The following GARNL3 variants were observed in gnomAD, a reference collection of about 807,000 sequenced individuals.
GARNL3 encodes the protein GTPase-activating Rap/Ran-GAP domain-like protein 3.
GARNL3 carries 63 observed loss-of-function variants against 125.0 expected under a neutral mutation model. The observed-to-expected ratio is 0.50, with a 90% CI of 0.41 to 0.62. GARNL3 has a LOEUF of 0.62. GARNL3 is among the 20% of genes least tolerant of loss of function. GARNL3 has a pLI of 0.00. For missense variants in GARNL3, 994 were observed against 1,244.0 expected (o/e 0.80, Z 3.02); for synonymous variants, 439 against 457.5 (o/e 0.96, Z 0.52).
chr9:127,372,061 T>G (rs1471571227), intron 22 of GARNL3, among the ~76,000 whole-genome samples: 1 of 152,182 alleles, frequency 6.6e-6, no homozygotes, highest in African/African-American at 2.4e-5. Context: ...GCCTCCCGAG[T>G]AGCTGGGATG....
In GARNL3 at chr9:127,241,936, T is replaced by TTTGTTGTTG. The variant is rs148526680; in HGVS notation, c.-28-1116_-28-1108dup. 5.7e-3 allele frequency among the ~76,000 whole-genome samples: 850 copies of TTTGTTGTTG among 150,364 alleles called. 5 individuals carry two copies. Among genetic ancestry groups the TTTGTTGTTG allele is most frequent in the Non-Finnish European group, 9.1e-3 (615 of 67,680 alleles). On this transcript the variant is annotated intron_variant, in intron 1 of 10. Coordinates refer to the GARNL3 transcript ENST00000439286. Reference sequence around the variant, plus strand: ...GCGTGAGCCACTATGCCCGGCCTGGTTTGTTGTTGTTGTTGTTGTTGTTGT... The same window carrying TTTGTTGTTG: ...GCGTGAGCCACTATGCCCGGCCTGGTTTGTTGTTGTTGTTGTTGTTGTTGTTGTTGTTGT...
chr9:127,277,299 G>T (rs544761608), intron 1 of GARNL3, among the ~76,000 whole-genome samples: 1 of 151,868 alleles, frequency 6.6e-6, no homozygotes, highest in East Asian at 1.9e-4. Flanking sequence ...TCCTTCTTTT[G>T]TGTGACATTG....
At chr9:127,272,308 G>A (rs1344560389) in intron 1 of GARNL3, among the ~76,000 whole-genome samples, 1 of 149,668 alleles carries the variant, frequency 6.7e-6, no homozygotes, top group East Asian at 1.9e-4. Context: ...GGCACTTTAT[G>A]GGAGAAATTA....
intron 7 of GARNL3, among the ~76,000 whole-genome samples, chr9:127,328,475 C>T (rs1167626104): frequency 6.6e-6 from 1 of 152,140 alleles, no homozygotes; most frequent in African/African-American, 2.4e-5. Context: ...AAGGTTAGCA[C>T]TTTGGTAAAA....
intron 1 of GARNL3, among the ~76,000 whole-genome samples, chr9:127,278,108 C>T (rs2064004493): frequency 6.6e-6 from 1 of 151,974 alleles, no homozygotes; most frequent in African/African-American, 2.4e-5. Flanking sequence ...TGCTGATATA[C>T]TTTTTAATAT....
intron 22 of GARNL3, among the ~76,000 whole-genome samples, chr9:127,378,243 C>CA (rs386361566): frequency 0.024 from 2,076 of 88,138 alleles, 25 homozygotes; most frequent in African/African-American, 0.027. Flanking sequence ...GACTCTGTCT[C>CA]AAAAAAAAAA....
At chr9:127,295,528 C>T (rs961705707) in intron 2 of GARNL3, among the ~76,000 whole-genome samples, 2 of 152,108 alleles carry the variant, frequency 1.3e-5, no homozygotes, top group African/African-American at 2.4e-5. Context: ...CTGGAGTTAG[C>T]GTCAGACTCC....
chr9:127,315,911 T>TA (rs1350363682), intron 4 of GARNL3, among the ~76,000 whole-genome samples: 1 of 152,196 alleles, frequency 6.6e-6, no homozygotes. Context: ...ACACACCTGT[T>TA]ACACAGGGTA....
intron 19 of GARNL3, 91 bp from the exon 20 acceptor site, chr9:127,355,206 C>G: frequency 1.0e-6 from 1 of 987,546 alleles, no homozygotes; most frequent in Non-Finnish European, 1.6e-6. Flanking sequence ...TGCTTAATTT[C>G]CAGGGTTCCT....
intron 2 of GARNL3, among the ~76,000 whole-genome samples, chr9:127,253,507 A>C (rs2131216773): frequency 6.6e-6 from 1 of 152,250 alleles, no homozygotes; most frequent in East Asian, 1.9e-4. Context: ...GTGAAGCTTA[A>C]ATTGTAGGTG....
chr9:127,248,195 C>T (rs761486920), intron 2 of GARNL3, among the ~76,000 whole-genome samples: 21 of 152,192 alleles, frequency 1.4e-4, no homozygotes, highest in Non-Finnish European at 2.5e-4. Flanking sequence ...CATTAAGAAA[C>T]TTCTGCTTTA....
chr9:127,295,196 C>T (rs1244688295), intron 2 of GARNL3, among the ~76,000 whole-genome samples: 1 of 152,224 alleles, frequency 6.6e-6, no homozygotes, highest in Non-Finnish European at 1.5e-5. Context: ...ATCCACTGAA[C>T]ATGTACTTAC....
intron 2 of GARNL3, among the ~76,000 whole-genome samples, chr9:127,305,229 A>T (rs2064918202): frequency 6.6e-6 from 1 of 152,202 alleles, no homozygotes; most frequent in African/African-American, 2.4e-5. Context: ...ATGTAAAAAA[A>T]AATTATTTGG....
chr9:127,231,255 G>A (rs1316219156), intron 1 of GARNL3, among the ~76,000 whole-genome samples: 1 of 55,860 alleles, frequency 1.8e-5, no homozygotes, highest in Non-Finnish European at 3.8e-5. Context: ...TGTATTTTTA[G>A]TAGAGACAGG....
chr9:127,240,280 C>T (rs942763389), intron 1 of GARNL3, among the ~76,000 whole-genome samples: 2 of 152,170 alleles, frequency 1.3e-5, no homozygotes, highest in Admixed American at 6.5e-5. Flanking sequence ...GCCCTCAGGT[C>T]CCTTTACCGT....
At chr9:127,272,367 T>C (rs1282582004) in intron 1 of GARNL3, among the ~76,000 whole-genome samples, 5 of 150,060 alleles carry the variant, frequency 3.3e-5, no homozygotes, top group Admixed American at 1.3e-4. Context: ...GGTACCAGCA[T>C]ATTTCCCTCA....
rs537821956 is a variant in GARNL3, at chr9:127,313,983, T to C, written c.438+424T>C. On this transcript the variant is annotated intron_variant, in intron 4 of 27. Coordinates refer to ENST00000373387, the MANE Select transcript of GARNL3 (RefSeq NM_032293.5). ...GAACTGTGGATCCACATGGGCCCTC[T>C]GTCTGACTTCCGTTGTGGAGTGACT... 5.3e-5 allele frequency among the ~76,000 whole-genome samples: 8 copies of C among 152,308 alleles called. No homozygotes were observed. In the South Asian group the frequency reaches 1.7e-3, roughly 32 times the overall value.
chr9:127,372,240 G>A (rs1031487880), intron 22 of GARNL3, among the ~76,000 whole-genome samples: 3 of 152,138 alleles, frequency 2.0e-5, no homozygotes, highest in Admixed American at 2.0e-4. Flanking sequence ...CACTATCCTT[G>A]CCCATCCCCA....
At chr9:127,323,680 CACTT>C (rs575075514) in intron 6 of GARNL3, among the ~76,000 whole-genome samples, 83 of 152,272 alleles carry the variant, frequency 5.5e-4, no homozygotes, top group East Asian at 7.7e-4. Flanking sequence ...TCAGAGCTGA[CACTT>C]ACAGGCCACG....
Sources: allele counts gnomAD v4.1 joint callset (sites outside exome capture counted in the v4.1 genomes callset), GRCh38; gene constraint gnomAD v4.1.1; transcripts MANE v1.5; gene names NCBI Gene and HGNC (gene_info 2026-07-23, HGNC 2026-07-21).